The following INSYN2A variants were observed in gnomAD, a reference collection of about 807,000 sequenced individuals.
INSYN2A encodes inhibitory synaptic factor 2A, also known as family with sequence similarity 196 member A.
A neutral mutation model predicts 39.4 loss-of-function variants in INSYN2A; 17 were observed. That is an observed-to-expected ratio of 0.43 (90% CI 0.30 to 0.65). INSYN2A has a LOEUF of 0.65. INSYN2A is among the 30% of genes least tolerant of loss of function. The pLI, the probability that INSYN2A is intolerant of heterozygous loss-of-function variation, is 0.14. For missense variants in INSYN2A, 595 were observed against 631.2 expected (o/e 0.94, Z 0.61); for synonymous variants, 255 against 265.7 (o/e 0.96, Z 0.39).
At position 127,189,127 on chromosome 10, in the gene INSYN2A, G is replaced by A. The variant is rs1338677973; in HGVS notation, c.-269+3478C>T. Reference sequence around the variant, plus strand: ...GGATGACACTGGATGCAGGACCTACGAGACACAAGCTTGAGAATCACCACC... The same window carrying A: ...GGATGACACTGGATGCAGGACCTACAAGACACAAGCTTGAGAATCACCACC... On this transcript the variant is annotated intron_variant, in intron 2 of 5. Transcript: ENST00000522781. 2.0e-5 allele frequency among the ~76,000 whole-genome samples: 3 copies of A among 152,334 alleles called. No individual in the cohort carries two copies. In the East Asian group the frequency reaches 5.8e-4, roughly 29 times the overall value.
At chr10:127,188,847 A>G (rs1468869081) in intron 2 of INSYN2A, among the ~76,000 whole-genome samples, 1 of 152,212 alleles carries the variant, frequency 6.6e-6, no homozygotes. Flanking sequence ...AGAAATTACT[A>G]TTTGTAATAA....
At chr10:127,194,639 AC>A (rs2056972251) in intron 1 of INSYN2A, among the ~76,000 whole-genome samples, 1 of 152,148 alleles carries the variant, frequency 6.6e-6, no homozygotes, top group South Asian at 2.1e-4. Context: ...TTCATCAAGT[AC>A]CCAGCCAGCG....
chr10:127,184,941 A>G (rs2056090904), intron 2 of INSYN2A, among the ~76,000 whole-genome samples: 1 of 152,158 alleles, frequency 6.6e-6, no homozygotes, highest in South Asian at 2.1e-4. Context: ...ACAGGAAAAA[A>G]CAAGGCATAC....
Position 127,137,054 on chromosome 10 carries a change from T to C in INSYN2A, c.*783A>G, listed in dbSNP as rs1011036403. 2 of 152,640 alleles carry C rather than the reference T, an allele frequency of 1.3e-5. No homozygotes were observed. Among genetic ancestry groups the C allele is most frequent in the African/African-American group, 4.8e-5 (2 of 41,442 alleles). 9.5% of individuals were successfully genotyped at this position (152,640 alleles called of 1,614,324 possible). On this transcript the variant is annotated 3_prime_UTR_variant, in exon 6 of 6. Coordinates refer to ENST00000522781, the MANE Select transcript of INSYN2A (RefSeq NM_001039762.3). ...CCTTTGGGTACCAAAAGATTAAAAA[T>C]GAGATCTAAGAAAACTTAGTGTCCA...
At chr10:127,171,220 T>C (rs958419872) in intron 4 of INSYN2A, among the ~76,000 whole-genome samples, 8 of 152,174 alleles carry the variant, frequency 5.3e-5, no homozygotes, top group Non-Finnish European at 1.2e-4. Context: ...GGAGAGTCTC[T>C]TACGAAAAAT....
In INSYN2A at chr10:127,196,473, C is replaced by T. The variant is rs1166210298; in HGVS notation, c.-871G>A. Among the ~76,000 whole-genome samples the T allele has an allele frequency of 6.7e-6, 1 of 148,290 alleles. No homozygotes were observed. The highest frequency in any genetic ancestry group is 1.5e-5 in the Non-Finnish European group (1 of 66,656). ...GCAGAGGAGGGAGCAGGAGGGAAGT[C>T]CTTTCCGCTGCTCCAGGTCCCAGCT... On this transcript the variant is annotated 5_prime_UTR_variant, in exon 1 of 6. Coordinates refer to ENST00000522781, the MANE Select transcript of INSYN2A (RefSeq NM_001039762.3).
intron 4 of INSYN2A, among the ~76,000 whole-genome samples, chr10:127,167,029 G>T (rs2054146486): frequency 6.6e-6 from 1 of 151,862 alleles, no homozygotes; most frequent in African/African-American, 2.4e-5. Context: ...CCCAAAGCAA[G>T]AATTTGAAAT....
Position 127,176,919 on chromosome 10 carries a change from C to A in INSYN2A, c.-48G>T, listed in dbSNP as rs1026570323. 6.5e-6 allele frequency: 1 copy of A among 152,704 alleles called. No homozygotes were observed. The highest frequency in any genetic ancestry group is 2.4e-5 in the African/African-American group (1 of 41,412). 9.5% of individuals were successfully genotyped at this position (152,704 alleles called of 1,614,324 possible). On this transcript the variant is annotated 5_prime_UTR_variant, in exon 3 of 6. Transcript: ENST00000522781. This position sits in a 1 kb window ranked among gnomAD's most constrained non-coding sequence, Gnocchi z 4.4. ...GAGCAGATAAATGTGGAGAGCCCTC[C>A]GAGGAGGAACGGAAAGAAATCTATT...
chr10:127,139,944 A>T (rs564344988), intron 5 of INSYN2A, among the ~76,000 whole-genome samples: 11 of 152,312 alleles, frequency 7.2e-5, no homozygotes, highest in African/African-American at 2.4e-4. Context: ...TCTATTAGGG[A>T]TCTCTTCAAC....
intron 5 of INSYN2A, among the ~76,000 whole-genome samples, chr10:127,143,259 C>G (rs1220911007): frequency 6.6e-6 from 1 of 152,164 alleles, no homozygotes; most frequent in Non-Finnish European, 1.5e-5. Flanking sequence ...AGCTTGCTTT[C>G]TGGAAGGGAA....
intron 4 of INSYN2A, among the ~76,000 whole-genome samples, chr10:127,154,182 T>C (rs1460590331): frequency 6.6e-6 from 1 of 152,240 alleles, no homozygotes; most frequent in African/African-American, 2.4e-5. Context: ...TATGATTTCG[T>C]TATAAGCACA....
chr10:127,162,920 A>G (rs944814563), intron 4 of INSYN2A, among the ~76,000 whole-genome samples: 1 of 152,156 alleles, frequency 6.6e-6, no homozygotes, highest in Non-Finnish European at 1.5e-5. Flanking sequence ...AAATGAAGGA[A>G]TTCTTGATGG....
chr10:127,194,129 T>C (rs1162252428), intron 1 of INSYN2A, among the ~76,000 whole-genome samples: 1 of 152,242 alleles, frequency 6.6e-6, no homozygotes, highest in East Asian at 1.9e-4. Flanking sequence ...TTAAACTGAA[T>C]TGTTTAGTCT....
rs79489715 is a variant in INSYN2A, at chr10:127,176,321, G to C, written c.75C>G (p.Ala25=). Residue 25 remains alanine (A), a synonymous_variant, in exon 4 of 6, where the codon GCC becomes GCG. Transcript: ENST00000522781. This position sits in a 1 kb window ranked among gnomAD's most constrained non-coding sequence, Gnocchi z 4.4. ...ESEVEPAACL[A]LEMKYALDPN... ...GGTCCAGGGCGTATTTCATCTCCAG[G>C]GCCAGGCAGGCGGCGGGTTCCACTT... The C allele has an allele frequency of 1.2e-5, 20 of 1,613,876 alleles. No individual in the cohort carries two copies. In the East Asian group the frequency reaches 4.0e-4, roughly 32 times the overall value.
chr10:127,155,412 T>A (rs1450116708), intron 4 of INSYN2A, among the ~76,000 whole-genome samples: 1 of 152,142 alleles, frequency 6.6e-6, no homozygotes, highest in African/African-American at 2.4e-5. Flanking sequence ...TTTCTGTGAT[T>A]CATCATATTT....
chr10:127,178,997 G>A (rs966377796), intron 2 of INSYN2A, among the ~76,000 whole-genome samples: 2 of 152,164 alleles, frequency 1.3e-5, no homozygotes, highest in African/African-American at 2.4e-5. Context: ...GTCCAGGTAT[G>A]TCAGAATGTA....
intron 5 of INSYN2A, among the ~76,000 whole-genome samples, chr10:127,140,609 C>T (rs1001755075): frequency 6.6e-5 from 10 of 152,172 alleles, no homozygotes; most frequent in Admixed American, 6.5e-4. Flanking sequence ...GGGAAGCACA[C>T]CAAGTCTCTC....
chr10:127,144,178 A>G (rs894852671), intron 5 of INSYN2A, among the ~76,000 whole-genome samples: 2 of 152,076 alleles, frequency 1.3e-5, no homozygotes, highest in African/African-American at 4.8e-5. Flanking sequence ...CTCCCTCTCC[A>G]GTTACCAGAG....
intron 4 of INSYN2A, among the ~76,000 whole-genome samples, chr10:127,155,425 G>C (rs2052945289): frequency 1.3e-5 from 2 of 152,036 alleles, no homozygotes; most frequent in Admixed American, 1.3e-4. Context: ...TCATATTTCA[G>C]CCAGAATTGG....
Sources: allele counts gnomAD v4.1 joint callset (sites outside exome capture counted in the v4.1 genomes callset), GRCh38; gene constraint gnomAD v4.1.1; non-coding constraint Gnocchi (gnomAD v3.1); transcripts MANE v1.5; gene names NCBI Gene and HGNC (gene_info 2026-07-23, HGNC 2026-07-21).